Variants in LHCGR observed in about 807,000 individuals in gnomAD.
LHCGR encodes lutropin-choriogonadotropic hormone receptor.
A neutral mutation model predicts 60.7 loss-of-function variants in LHCGR; 55 were observed. The ratio of observed to expected loss-of-function variants is 0.91; its 90% CI spans 0.73 to 1.13. The LOEUF is 1.13. LHCGR is among the 50% of genes most tolerant of loss of function. The pLI is 0.00. For synonymous variants in LHCGR, 337 were observed against 316.5 expected (o/e 1.06, Z -0.69); for missense variants, 862 against 836.0 (o/e 1.03, Z -0.38).
At chr2:48,728,131 G>A (rs1343012896) in intron 3 of LHCGR, among the ~76,000 whole-genome samples, 1 of 151,270 alleles carries the variant, frequency 6.6e-6, no homozygotes, top group Non-Finnish European at 1.5e-5. Flanking sequence ...TAGTGTAAGT[G>A]TATTTTATGT....
intron 3 of LHCGR, 106 bp from the exon 4 acceptor site, chr2:48,725,856 C>A: frequency 1.2e-3 from 972 of 791,288 alleles, no homozygotes; most frequent in Middle Eastern, 2.2e-3. Context: ...ATGGCATCAG[C>A]AAAAGCAGGC....
chr2:48,739,714 A>G (rs1669351323), intron 1 of LHCGR, among the ~76,000 whole-genome samples: 1 of 152,140 alleles, frequency 6.6e-6, no homozygotes, highest in African/African-American at 2.4e-5. Context: ...CTAATGTTAA[A>G]TGACGAGTTA....
Position 48,687,692 on chromosome 2 carries a change from A to G in LHCGR, c.*5T>C, listed in dbSNP as rs757573390. ...AATTCAATAATGCAGTTACTGATGT[A>G]ACAGTTAACACTCTGTGTAGCGAGT... On this transcript the variant is annotated 3_prime_UTR_variant, in exon 11 of 11. Coordinates refer to ENST00000294954, the MANE Select transcript of LHCGR (RefSeq NM_000233.4). 14 of 1,609,392 alleles carry G rather than the reference A, an allele frequency of 8.7e-6. No homozygotes were observed. The South Asian group carries it at 1.3e-4, about 15-fold the overall frequency.
rs777404921 is a variant in LHCGR at position 48,698,604 on chromosome 2, T to G, written c.866+11A>C. 1.2e-6 allele frequency: 2 copies of G among 1,612,736 alleles called. No individual in the cohort carries two copies. Among genetic ancestry groups the G allele is most frequent in the East Asian group, 4.5e-5 (2 of 44,862 alleles). On this transcript the variant is annotated intron_variant, in intron 9 of 10. Coordinates refer to ENST00000294954, the MANE Select transcript of LHCGR (RefSeq NM_000233.4). ...AGCTTGGGTAGGCTTTACCTTTTGG[T>G]TTCTACTTACTCTTTTGTTGGCAAG...
At chr2:48,716,510 A>G (rs942165410) in intron 6 of LHCGR, among the ~76,000 whole-genome samples, 1 of 151,570 alleles carries the variant, frequency 6.6e-6, no homozygotes. Context: ...GGCAAAGCCA[A>G]TCATCAGTTT....
chr2:48,707,284 C>T (rs1667734081), intron 8 of LHCGR, among the ~76,000 whole-genome samples: 1 of 152,216 alleles, frequency 6.6e-6, no homozygotes, highest in African/African-American at 2.4e-5. Flanking sequence ...TCCAGAGGGG[C>T]ACCTGCCAGA....
At chr2:48,740,793 C>T (rs578149941) in intron 1 of LHCGR, among the ~76,000 whole-genome samples, 237 of 152,206 alleles carry the variant, frequency 1.6e-3, no homozygotes, top group Non-Finnish European at 2.5e-3. Flanking sequence ...GCCTCTCCTC[C>T]TCCAAAGGAA....
At chr2:48,703,518 T>G (rs1024302795) in intron 8 of LHCGR, among the ~76,000 whole-genome samples, 1 of 152,174 alleles carries the variant, frequency 6.6e-6, no homozygotes, top group African/African-American at 2.4e-5. Flanking sequence ...TGACACCATT[T>G]ATTAAATGGG....
intron 7 of LHCGR, among the ~76,000 whole-genome samples, chr2:48,711,356 G>A (rs1249303408): frequency 2.0e-5 from 3 of 152,094 alleles, no homozygotes; most frequent in African/African-American, 7.2e-5. Context: ...ATAAGGGCAG[G>A]GACTGTGACC....
In LHCGR at chr2:48,729,193, C is replaced by G. The variant is rs2103621277; in HGVS notation, c.268G>C (p.Glu90Gln). 2 of 1,611,928 alleles carry G rather than the reference C, an allele frequency of 1.2e-6. No homozygotes were observed. The highest frequency in any genetic ancestry group is 2.2e-5 in the South Asian group (2 of 91,070). Residue 90 changes from glutamate (E) to glutamine (Q), a missense_variant, in exon 3 of 11, where the codon GAA becomes CAA. Coordinates refer to ENST00000294954, the MANE Select transcript of LHCGR (RefSeq NM_000233.4). Reference protein sequence around the residue: ...ISQIDSLERIEANAFDNLLNL... With the variant: ...ISQIDSLERIQANAFDNLLNL... ...AGGAGGTTGTCAAAGGCATTAGCTT[C>G]TATCCTTTCCAGGGAATCAATCTGA...
intron 6 of LHCGR, among the ~76,000 whole-genome samples, chr2:48,716,021 C>A (rs1558850813): frequency 6.6e-6 from 1 of 152,160 alleles, no homozygotes; most frequent in Non-Finnish European, 1.5e-5. Flanking sequence ...ATGCTTTCTT[C>A]TGAGATTCTT....
At chr2:48,693,923 G>T (rs1666985951) in intron 10 of LHCGR, among the ~76,000 whole-genome samples, 1 of 152,174 alleles carries the variant, frequency 6.6e-6, no homozygotes, top group African/African-American at 2.4e-5. Flanking sequence ...GGTATCAGTT[G>T]TATCAGCCTT....
At chr2:48,725,795 G>T (rs199800412) in intron 3 of LHCGR, 45 bp from the exon 4 acceptor site, 1 of 1,429,766 alleles carries the variant, frequency 7.0e-7, no homozygotes, top group Non-Finnish European at 9.8e-7. Flanking sequence ...TAATAGATGT[G>T]TATTGTTTGA....
intron 6 of LHCGR, chr2:48,721,142 A>G (rs745314806): frequency 2.0e-5 from 3 of 152,620 alleles, no homozygotes; most frequent in Non-Finnish European, 4.4e-5. Flanking sequence ...GAGACTATGA[A>G]CTTCTCGAGG....
chr2:48,709,242 C>T (rs1304470979), intron 7 of LHCGR, among the ~76,000 whole-genome samples: 1 of 152,040 alleles, frequency 6.6e-6, no homozygotes, highest in African/African-American at 2.4e-5. Context: ...TCTTCCATTC[C>T]CCCCTTCACT....
chr2:48,735,518 ATC>A, intron 1 of LHCGR, among the ~76,000 whole-genome samples: 1 of 152,252 alleles, frequency 6.6e-6, no homozygotes, highest in Non-Finnish European at 1.5e-5. Context: ...TGATCCCTGT[ATC>A]TCTACCCCTT....
intron 7 of LHCGR, 101 bp from the exon 8 acceptor site, chr2:48,709,123 T>A (rs1343517836): frequency 1.8e-5 from 16 of 911,036 alleles, no homozygotes; most frequent in Non-Finnish European, 2.9e-5. Context: ...GCATGATGTA[T>A]AGGGTTAAAA....
intron 1 of LHCGR, among the ~76,000 whole-genome samples, chr2:48,736,339 G>T (rs1416281799): frequency 6.6e-6 from 1 of 152,118 alleles, no homozygotes; most frequent in African/African-American, 2.4e-5. Flanking sequence ...CCTATCTTTA[G>T]ACCTTCTTCC....
intron 6 of LHCGR, among the ~76,000 whole-genome samples, chr2:48,722,376 G>A (rs1267797663): frequency 6.6e-6 from 1 of 152,192 alleles, no homozygotes; most frequent in African/African-American, 2.4e-5. Flanking sequence ...GGTCTGCGGT[G>A]AGCTATTTCT....
Sources: gnomAD v4.1 joint callset for allele counts (sites outside exome capture counted in the v4.1 genomes callset) on GRCh38, gnomAD v4.1.1 for gene constraint, MANE v1.5 for transcripts, NCBI Gene and HGNC (gene_info 2026-07-23, HGNC 2026-07-21) for gene names.